The following IL1R1 variants were observed in gnomAD, a reference collection of about 807,000 sequenced individuals.
The protein encoded by IL1R1 is interleukin-1 receptor type 1.
Under a neutral mutation model 50.2 loss-of-function variants are expected in IL1R1, and 22 were observed. The observed-to-expected ratio is 0.44, with a 90% confidence interval of 0.31 to 0.63. The LOEUF is 0.63. IL1R1 is among the 20% of genes least tolerant of loss of function. The probability of loss-of-function intolerance (pLI) is 0.07; values close to 1 mark genes in which losing one functional copy is unlikely to be tolerated. For synonymous variants in IL1R1, 251 were observed against 236.7 expected (o/e 1.06, Z -0.55); for missense variants, 509 against 676.2 (o/e 0.75, Z 2.74).
At chr2:102,166,087 C>T in intron 5 of IL1R1, 26 bp from the exon 6 acceptor site, 2 of 1,594,252 alleles carry the variant, frequency 1.3e-6, no homozygotes, top group Non-Finnish European at 1.7e-6. Context: ...TATTGGTTTT[C>T]AATGCTTCTC....
In IL1R1 at chr2:102,128,951, C is replaced by T. The variant is rs951473749; in HGVS notation, c.-84+24079C>T. ...GTGTGGTGGCTCACTCCTGTAATCC[C>T]ATAGTTTTGGGAGGCTGATACAGGA... On this transcript the variant is annotated intron_variant, in intron 1 of 10. Transcript: ENST00000409329. Among the ~76,000 whole-genome samples, 5 of 152,264 alleles carry T rather than the reference C, an allele frequency of 3.3e-5. No homozygotes were observed. The South Asian group carries it at 1.0e-3, about 32-fold the overall frequency.
At position 102,156,517 on chromosome 2, in the gene IL1R1, CT is replaced by C. The variant is rs201323264; in HGVS notation, c.-6-1190del. 4.6e-3 allele frequency among the ~76,000 whole-genome samples: 668 copies of C among 145,432 alleles called. 2 individuals carry two copies. The highest frequency in any genetic ancestry group is 5.1e-3 in the African/African-American group (204 of 39,926). On this transcript the variant is annotated intron_variant, in intron 2 of 11. Transcript: ENST00000410023. ...GTAACTTAAAAAAATACCTATACAC[CT>C]TTTTTTTTTTTGAGATGGAGTCTCA...
At chr2:102,082,328 GT>G in intron 1 of IL1R1, among the ~76,000 whole-genome samples, 1 of 151,996 alleles carries the variant, frequency 6.6e-6, no homozygotes, top group South Asian at 2.1e-4. Flanking sequence ...CATTTTGTTT[GT>G]TAGAAAAACA....
At chr2:102,083,943 CAAA>C (rs35546919) in intron 1 of IL1R1, among the ~76,000 whole-genome samples, 1 of 146,118 alleles carries the variant, frequency 6.8e-6, no homozygotes, top group African/African-American at 2.5e-5. Flanking sequence ...GACTCCGCCT[CAAA>C]AAAAAAAAAG....
upstream of IL1R1, among the ~76,000 whole-genome samples, chr2:102,100,977 T>C (rs1242242405): frequency 5.3e-5 from 8 of 152,120 alleles, no homozygotes; most frequent in Admixed American, 4.6e-4. Context: ...CCAGTGGCCA[T>C]CGGGGATGGC....
Position 102,097,131 on chromosome 2 carries a change from T to C in IL1R1, c.-84+26598T>C, listed in dbSNP as rs955116255. On this transcript the variant is annotated intron_variant, in intron 1 of 11. Transcript: ENST00000409929. ...GTCTAAAGTTGGTCATTGGCTCTTTTTCGTGGTTCTTTTAGAATGGTGACT... is the reference window on the plus strand; with the variant it reads ...GTCTAAAGTTGGTCATTGGCTCTTTCTCGTGGTTCTTTTAGAATGGTGACT... Among the ~76,000 whole-genome samples, 12 of 152,188 alleles carry C rather than the reference T, an allele frequency of 7.9e-5. No individual in the cohort carries two copies. In the East Asian group the frequency reaches 1.2e-3, roughly 15 times the overall value.
rs557988163 is a variant in IL1R1 at position 102,123,005 on chromosome 2, A to G, written c.-84+18133A>G. Among the ~76,000 whole-genome samples the G allele has an allele frequency of 2.0e-5, 3 of 152,356 alleles. No individual in the cohort carries two copies. In the East Asian group the frequency reaches 5.8e-4, roughly 29 times the overall value. On this transcript the variant is annotated intron_variant, in intron 1 of 10. Coordinates refer to the IL1R1 transcript ENST00000409329. ...TCATGCCTGTAGACTGAAAGCAGGG[A>G]TCAGGGAAATTGGTTTACTTTAGTA...
At chr2:102,123,940 G>A (rs975430905) in intron 1 of IL1R1, among the ~76,000 whole-genome samples, 1 of 152,114 alleles carries the variant, frequency 6.6e-6, no homozygotes, top group African/African-American at 2.4e-5. Context: ...ACAAGAGGGA[G>A]AAGGAGAGAG....
chr2:102,090,347 A>T (rs1205250660), intron 1 of IL1R1, among the ~76,000 whole-genome samples: 1 of 152,128 alleles, frequency 6.6e-6, no homozygotes, highest in Non-Finnish European at 1.5e-5. Context: ...AAGCCCCATG[A>T]AAATGTGGTT....
rs796889580 is a variant in IL1R1 at position 102,131,371 on chromosome 2, A to T, written c.-83-22570A>T. Among the ~76,000 whole-genome samples the T allele has an allele frequency of 9.7e-4, 148 of 152,354 alleles. 1 individual carries two copies. The highest frequency in any genetic ancestry group is 3.4e-3 in the African/African-American group (140 of 41,580). On this transcript the variant is annotated intron_variant, in intron 1 of 10. Transcript: ENST00000409329. ...AAAATTACCAGGTATGCAAATAAGG[A>T]TGATAATAATGCAGAGGAAAATGAG... is the stretch of plus-strand genomic sequence containing the variant.
At position 102,148,183 on chromosome 2, in the gene IL1R1, G is replaced by A. The variant is rs562119318; in HGVS notation, c.-84+5163G>A. 2.0e-5 allele frequency among the ~76,000 whole-genome samples: 3 copies of A among 152,194 alleles called. No individual in the cohort carries two copies. In the East Asian group the frequency reaches 5.8e-4, roughly 29 times the overall value. ...CGTGGGTGACTAATCTCCACGAGAT[G>A]GAAACCATTGTGTCACCTTTGGAAC... On this transcript the variant is annotated intron_variant, in intron 1 of 11. Transcript: ENST00000410023.
chr2:102,151,244 C>A (rs115432855), intron 1 of IL1R1, among the ~76,000 whole-genome samples: 1,609 of 152,258 alleles, frequency 0.011, 28 homozygotes, highest in African/African-American at 0.036. Flanking sequence ...TTATCTAACT[C>A]CTTGTGTAGG....
At chr2:102,094,375 T>C (rs1282022183) in intron 1 of IL1R1, among the ~76,000 whole-genome samples, 1 of 152,198 alleles carries the variant, frequency 6.6e-6, no homozygotes, top group East Asian at 1.9e-4. Context: ...GAGAACCTGA[T>C]AGATATGGGG....
At chr2:102,103,373 G>A (rs571094232), upstream of IL1R1, among the ~76,000 whole-genome samples, 98 of 152,192 alleles carry the variant, frequency 6.4e-4, no homozygotes, top group Non-Finnish European at 1.0e-3. Context: ...GGGCTGTGTC[G>A]TGCTGAGTGG....
chr2:102,097,494 A>G (rs1486353658), intron 1 of IL1R1, among the ~76,000 whole-genome samples: 2 of 152,206 alleles, frequency 1.3e-5, no homozygotes, highest in Admixed American at 6.5e-5. Context: ...CTGCTTGTAC[A>G]AGTCCCTCAT....
chr2:102,169,419 A>G (rs1037158463), intron 7 of IL1R1, among the ~76,000 whole-genome samples: 1 of 152,258 alleles, frequency 6.6e-6, no homozygotes, highest in Admixed American at 6.5e-5. Flanking sequence ...CCTCTGTCAC[A>G]TTAGCCATAT....
upstream of IL1R1, among the ~76,000 whole-genome samples, chr2:102,099,589 A>G (rs1680052854): frequency 6.6e-6 from 1 of 152,102 alleles, no homozygotes; most frequent in South Asian, 2.1e-4. Context: ...TCGGCCATGA[A>G]CAGCCTTTGT....
Position 102,179,774 on chromosome 2 carries a change from A to C in IL1R1, c.*3015A>C, listed in dbSNP as rs957494856. On this transcript the variant is annotated 3_prime_UTR_variant, in exon 12 of 12. Transcript: ENST00000410023. Reference sequence around the variant, plus strand: ...TTATATAATTTTGCAGCAGAAGCCAAATTTTTTGTATATTAAAGCACCAAA... The same window carrying C: ...TTATATAATTTTGCAGCAGAAGCCACATTTTTTGTATATTAAAGCACCAAA... 1.3e-5 allele frequency: 2 copies of C among 152,746 alleles called. No individual in the cohort carries two copies. The highest frequency in any genetic ancestry group is 6.5e-5 in the Admixed American group (1 of 15,280). 9.5% of individuals were successfully genotyped at this position (152,746 alleles called of 1,614,324 possible). A position where few individuals can be genotyped will look rare whatever the true frequency, so the allele number is the denominator to read the frequency against.
chr2:102,071,045 T>TA (rs1010675501), intron 1 of IL1R1, among the ~76,000 whole-genome samples: 23 of 151,166 alleles, frequency 1.5e-4, no homozygotes, highest in East Asian at 1.9e-4. Flanking sequence ...TGATCTTATG[T>TA]AAAAAAAAAC....
Sources: gnomAD v4.1 joint callset for allele counts (sites outside exome capture counted in the v4.1 genomes callset) on GRCh38, gnomAD v4.1.1 for gene constraint, MANE v1.5 for transcripts, NCBI Gene and HGNC (gene_info 2026-07-23, HGNC 2026-07-21) for gene names.